DNAH11: variants seen among roughly 807,000 people sequenced by gnomAD.
The protein encoded by DNAH11 is axonemal beta dynein heavy chain 11.
DNAH11 carries 442 observed loss-of-function variants against 526.0 expected under a neutral mutation model. That is an observed-to-expected ratio of 0.84 (90% CI 0.78 to 0.91). The LOEUF is 0.91. Among genes scored for constraint, DNAH11 ranks in the 40% least tolerant of loss-of-function variants. The pLI, the probability that DNAH11 is intolerant of heterozygous loss-of-function variation, is 0.00. For missense variants in DNAH11, 6,989 were observed against 5,448.7 expected (o/e 1.28, Z -8.90); for synonymous variants, 2,461 against 1,935.9 (o/e 1.27, Z -7.12).
At chr7:21,817,824 G>A (rs191659360) in intron 64 of DNAH11, among the ~76,000 whole-genome samples, 13 of 136,554 alleles carry the variant, frequency 9.5e-5, no homozygotes, top group Non-Finnish European at 1.9e-4. Context: ...AAATGTAAAG[G>A]TTTAAAAAAA....
intron 20 of DNAH11, among the ~76,000 whole-genome samples, chr7:21,613,318 A>G (rs180885453): frequency 6.6e-6 from 1 of 151,882 alleles, no homozygotes; most frequent in African/African-American, 2.4e-5. Context: ...TATTAAATAA[A>G]AAGGTAGGTT....
At chr7:21,730,231 G>A (rs1583636840) in intron 45 of DNAH11, among the ~76,000 whole-genome samples, 1 of 152,274 alleles carries the variant, frequency 6.6e-6, no homozygotes, top group African/African-American at 2.4e-5. Context: ...TAACCTAAGT[G>A]TCCATCAGTG....
chr7:21,855,276 C>T (rs925189016), intron 68 of DNAH11, among the ~76,000 whole-genome samples: 1 of 152,118 alleles, frequency 6.6e-6, no homozygotes, highest in African/African-American at 2.4e-5. Context: ...CGTGATCTGC[C>T]CGCCTCAGCC....
rs199538599 is a variant in DNAH11 at position 21,636,013 on chromosome 7, G to T, written c.4643G>T (p.Ser1548Ile). The T allele has an allele frequency of 1.2e-6, 2 of 1,613,740 alleles. No homozygotes were observed. The highest frequency in any genetic ancestry group is 1.7e-6 in the Non-Finnish European group (2 of 1,179,800). Residue 1548 changes from serine (S) to isoleucine (I), a missense_variant, in exon 26 of 82, where the codon AGC becomes ATC. Physicochemically the swap from Ser to Ile is moderately radical, Grantham distance 142. Coordinates refer to ENST00000409508, the MANE Select transcript of DNAH11 (RefSeq NM_001277115.2). The stretch of plus-strand genomic sequence containing the variant: ...CAGCGAACTTGGTCTCACCTGGAAA[G>T]CATTTTTGTCTGTTCAGAAGATATT... ...EVQRTWSHLE[S>I]IFVCSEDIRI...
chr7:21,585,666 C>T (rs538731077), intron 9 of DNAH11, among the ~76,000 whole-genome samples: 22 of 152,184 alleles, frequency 1.4e-4, no homozygotes, highest in Non-Finnish European at 2.6e-4. Context: ...CTAGAAAGGA[C>T]TTCAGCTTTG....
At chr7:21,626,030 G>A (rs1786315092) in intron 25 of DNAH11, among the ~76,000 whole-genome samples, 1 of 152,038 alleles carries the variant, frequency 6.6e-6, no homozygotes, top group South Asian at 2.1e-4. Flanking sequence ...GTGTAATTGG[G>A]ATGGCCATCA....
Position 21,658,834 on chromosome 7 carries a change from C to T in DNAH11, c.5131C>T (p.Gln1711Ter). 1 of 1,599,282 alleles carries T rather than the reference C, an allele frequency of 6.3e-7. No homozygotes were observed. The highest frequency in any genetic ancestry group is 8.5e-7 in the Non-Finnish European group (1 of 1,172,810). ...GCTTCTGCAACTTGAACAGACTATGCAAGAAACGGTGCGTCATTCTATAAC... is the reference window on the plus strand; with the variant it reads ...GCTTCTGCAACTTGAACAGACTATGTAAGAAACGGTGCGTCATTCTATAAC... ...TWLLQLEQTM[Q>*]ETVRHSITEA... Residue 1711 changes from glutamine to a stop codon, truncating the protein, a stop_gained, in exon 30 of 82, where the codon CAA (glutamine) becomes TAA (stop). Transcript: ENST00000409508. LOFTEE classifies it high-confidence loss of function.
At chr7:21,862,810 G>T (rs1375073986) in intron 69 of DNAH11, among the ~76,000 whole-genome samples, 2 of 152,100 alleles carry the variant, frequency 1.3e-5, no homozygotes, top group Non-Finnish European at 2.9e-5. Context: ...GGGCACGGTG[G>T]CTCACGCCTG....
chr7:21,709,705 T>C (rs1162850373), intron 40 of DNAH11, among the ~76,000 whole-genome samples: 5 of 152,222 alleles, frequency 3.3e-5, no homozygotes, highest in Non-Finnish European at 7.3e-5. Context: ...TTCTGTCTTT[T>C]TGTAAAGAAC....
intron 57 of DNAH11, among the ~76,000 whole-genome samples, chr7:21,780,904 A>G (rs1173475133): frequency 6.6e-6 from 1 of 152,190 alleles, no homozygotes; most frequent in African/African-American, 2.4e-5. Flanking sequence ...AAAGACCGAC[A>G]TGAGACAAGT....
At chr7:21,697,073 G>A (rs1783885331) in intron 35 of DNAH11, among the ~76,000 whole-genome samples, 2 of 152,162 alleles carry the variant, frequency 1.3e-5, no homozygotes, top group Admixed American at 1.3e-4. Flanking sequence ...AAGGTTAGAT[G>A]TTTAGGATGA....
intron 29 of DNAH11, among the ~76,000 whole-genome samples, chr7:21,656,617 G>T (rs1390859942): frequency 6.6e-6 from 1 of 152,112 alleles, no homozygotes; most frequent in Non-Finnish European, 1.5e-5. Flanking sequence ...AGATGATTTA[G>T]GGGAATTGCA....
At chr7:21,755,588 TA>T (rs1786595147) in intron 54 of DNAH11, among the ~76,000 whole-genome samples, 2 of 152,256 alleles carry the variant, frequency 1.3e-5, no homozygotes, top group Middle Eastern at 3.4e-3. Context: ...CAAAACAATG[TA>T]AAAAATATTT....
intron 31 of DNAH11, among the ~76,000 whole-genome samples, chr7:21,682,736 T>G (rs1783196831): frequency 6.6e-6 from 1 of 152,150 alleles, no homozygotes; most frequent in South Asian, 2.1e-4. Flanking sequence ...TATTGTGAAG[T>G]GTTTCTGTGT....
intron 54 of DNAH11, among the ~76,000 whole-genome samples, chr7:21,751,139 C>G (rs1179293103): frequency 6.6e-6 from 1 of 152,116 alleles, no homozygotes; most frequent in Non-Finnish European, 1.5e-5. Flanking sequence ...ACCTGGCCAA[C>G]ATGATGAAAC....
At chr7:21,716,147 C>T (rs1172657026) in intron 42 of DNAH11, among the ~76,000 whole-genome samples, 1 of 152,038 alleles carries the variant, frequency 6.6e-6, no homozygotes, top group African/African-American at 2.4e-5. Context: ...CTTTCTGCTC[C>T]CACAGAAACC....
chr7:21,794,264 T>A (rs74733028), intron 61 of DNAH11, among the ~76,000 whole-genome samples: 2 of 152,292 alleles, frequency 1.3e-5, no homozygotes, highest in East Asian at 3.9e-4. Flanking sequence ...CCTTGCTTTG[T>A]TTATTTGGAG....
In DNAH11 at chr7:21,806,270, T is replaced by C. The variant is rs115378521; in HGVS notation, c.10166-1613T>C. On this transcript the variant is annotated intron_variant, in intron 62 of 81. Transcript: ENST00000409508. The stretch of plus-strand genomic sequence containing the variant: ...TGTTTTGGAGAATGAGTTGGATACA[T>C]TTTATTGTTTATCCTTTACAAACCA... Among the ~76,000 whole-genome samples the C allele has an allele frequency of 8.2e-3, 1,242 of 152,346 alleles. 19 individuals are homozygous for C. Among genetic ancestry groups the C allele is most frequent in the African/African-American group, 0.028 (1,167 of 41,574 alleles).
chr7:21,816,434 A>G (rs756149050), intron 63 of DNAH11, 33 bp from the exon 64 acceptor site: 3 of 1,525,204 alleles, frequency 2.0e-6, no homozygotes, highest in Middle Eastern at 1.7e-4. Context: ...CTGCCACATG[A>G]CCAATTTGTT....
Sources: allele counts gnomAD v4.1 joint callset (sites outside exome capture counted in the v4.1 genomes callset), GRCh38; gene constraint gnomAD v4.1.1; transcripts MANE v1.5; gene names NCBI Gene and HGNC (gene_info 2026-07-23, HGNC 2026-07-21).